The following ARHGAP19 variants were observed in gnomAD, a reference collection of about 807,000 sequenced individuals.
ARHGAP19 encodes rho GTPase-activating protein 19.
In ARHGAP19, 48 loss-of-function variants were observed where a neutral mutation model predicts 60.9. That is an observed-to-expected ratio of 0.79 (90% confidence interval 0.62 to 1.00). The LOEUF is 1.00. Among genes scored for constraint, ARHGAP19 ranks in the 50% least tolerant of loss-of-function variants. The probability of loss-of-function intolerance (pLI) is 0.00; values close to 1 mark genes in which losing one functional copy is unlikely to be tolerated. For missense variants in ARHGAP19, 562 were observed against 597.2 expected (o/e 0.94, Z 0.61); for synonymous variants, 209 against 215.5 (o/e 0.97, Z 0.27).
At chr10:97,281,042 G>T (rs1324391783) in intron 1 of ARHGAP19, among the ~76,000 whole-genome samples, 1 of 152,026 alleles carries the variant, frequency 6.6e-6, no homozygotes, top group South Asian at 2.1e-4. Flanking sequence ...TTTTTGTTCT[G>T]GCACATGACT....
intron 1 of ARHGAP19, among the ~76,000 whole-genome samples, chr10:97,272,027 C>T (rs1842964543): frequency 6.6e-6 from 1 of 151,718 alleles, no homozygotes; most frequent in Admixed American, 6.6e-5. Context: ...CTAGATTTCC[C>T]ATTCATTCAT....
At chr10:97,231,982 T>G (rs543828762) in intron 9 of ARHGAP19, among the ~76,000 whole-genome samples, 266 of 148,244 alleles carry the variant, frequency 1.8e-3, no homozygotes, top group African/African-American at 6.2e-3. Context: ...TTCCGTTGTT[T>G]TTTTTTTTTT....
Position 97,225,477 on chromosome 10 carries a change from T to TCA in ARHGAP19, c.*644_*645insTG, listed in dbSNP as rs1850878727. On this transcript the variant is annotated 3_prime_UTR_variant, in exon 12 of 12. Transcript: ENST00000358531. ...CAATACTGCAGGTCAAATACTCTGA[T>TCA]GTCACACCCAAGAAATAATAAAAAA... The TCA allele has an allele frequency of 6.6e-6, 1 of 152,228 alleles. No homozygotes were observed. Among genetic ancestry groups the TCA allele is most frequent in the African/African-American group, 2.4e-5 (1 of 41,446 alleles). The allele number at this position is 152,228 out of a possible 1,614,324, so 9.4% of individuals were successfully genotyped here.
chr10:97,267,686 C>T (rs1011196648), intron 1 of ARHGAP19, among the ~76,000 whole-genome samples: 5 of 152,268 alleles, frequency 3.3e-5, no homozygotes, highest in Non-Finnish European at 5.9e-5. Context: ...CCCGCAGGCC[C>T]AAAACCACAT....
chr10:97,259,417 G>A lies in ARHGAP19; in HGVS notation c.825C>T (p.Val275=), dbSNP rs1842797628. 1 of 1,614,028 alleles carries A rather than the reference G, an allele frequency of 6.2e-7. No individual in the cohort carries two copies. Among genetic ancestry groups the A allele is most frequent in the Admixed American group, 1.7e-5 (1 of 59,988 alleles). Reference sequence around the variant, plus strand: ...CAACACTCACATTTTTTGGCCACAGGACATGGGGTGCAAACATAAGGGCAA... The same window carrying A: ...CAACACTCACATTTTTTGGCCACAGAACATGGGGTGCAAACATAAGGGCAA... The part of the protein sequence containing the change: ...YNLALMFAPH[V]LWPKNVTAND... Residue 275 remains valine, a synonymous_variant, in exon 5 of 12, where the codon GTC becomes GTT. Transcript: ENST00000358531.
intron 1 of ARHGAP19, among the ~76,000 whole-genome samples, chr10:97,273,701 T>G (rs914482677): frequency 4.0e-5 from 6 of 148,298 alleles, no homozygotes; most frequent in African/African-American, 1.5e-4. Context: ...GTTGAGCAGG[T>G]TGGTCTCGAA....
At chr10:97,256,177 G>A (rs1842750066) in intron 6 of ARHGAP19, 141 bp downstream of exon 6, 1 of 720,436 alleles carries the variant, frequency 1.4e-6, no homozygotes, top group Admixed American at 2.1e-5. Context: ...GTTACCCCCT[G>A]GGTTTTGCCA....
chr10:97,245,451 A>G (rs1842549688), intron 7 of ARHGAP19, among the ~76,000 whole-genome samples: 1 of 151,934 alleles, frequency 6.6e-6, no homozygotes, highest in African/African-American at 2.4e-5. Flanking sequence ...GTGAAACCCC[A>G]TCTCTACCAA....
In ARHGAP19 at chr10:97,229,822, G is replaced by A. The variant is rs1340034708; in HGVS notation, c.1337C>T (p.Thr446Ile). ...MMSEKKKKNP[T>I]PESVAIGELK... Reference sequence around the variant, plus strand: ...TTCACCAATGGCCACAGATTCTGGAGTAGGGTTCTTCTTTTTCTTTTCTGA... The same window carrying A: ...TTCACCAATGGCCACAGATTCTGGAATAGGGTTCTTCTTTTTCTTTTCTGA... Residue 446 changes from threonine to isoleucine, a missense_variant, in exon 10 of 12, where the codon ACT (threonine) becomes ATT (isoleucine). Thr to Ile is a moderately conservative substitution (Grantham distance 89). Transcript: ENST00000358531. 2 of 1,613,220 alleles carry A rather than the reference G, an allele frequency of 1.2e-6. No individual in the cohort carries two copies. The highest frequency in any genetic ancestry group is 1.1e-5 in the South Asian group (1 of 90,984).
chr10:97,224,510 A>G lies in ARHGAP19; in HGVS notation c.*1612T>C, dbSNP rs570323060. The G allele has an allele frequency of 2.0e-5, 3 of 152,346 alleles. No individual in the cohort carries two copies. Among genetic ancestry groups the G allele is most frequent in the South Asian group, 4.1e-4 (2 of 4,830 alleles). 9.4% of individuals were successfully genotyped at this position (152,346 alleles called of 1,614,324 possible). A position where few individuals can be genotyped will look rare whatever the true frequency, so the allele number is the denominator to read the frequency against. ...AAGACCAAATTTTACATTTTTCTCCACTATTGCTGTTACAGCAGCAAAAGC... is the reference window on the plus strand; with the variant it reads ...AAGACCAAATTTTACATTTTTCTCCGCTATTGCTGTTACAGCAGCAAAAGC... On this transcript the variant is annotated 3_prime_UTR_variant, in exon 12 of 12. Coordinates refer to ENST00000358531, the MANE Select transcript of ARHGAP19 (RefSeq NM_032900.6).
chr10:97,281,239 A>AT, intron 1 of ARHGAP19, among the ~76,000 whole-genome samples: 1 of 126,526 alleles, frequency 7.9e-6, no homozygotes, highest in East Asian at 2.5e-4. Flanking sequence ...AAAAAAAAAA[A>AT]ATTGTTTTTA....
intron 6 of ARHGAP19, among the ~76,000 whole-genome samples, chr10:97,248,339 A>G (rs1842592872): frequency 6.6e-6 from 1 of 152,062 alleles, no homozygotes; most frequent in African/African-American, 2.4e-5. Context: ...GACTGGTCCC[A>G]GGAGGCAGAG....
Position 97,256,415 on chromosome 10 carries a change from G to T in ARHGAP19, c.841-11C>A. On this transcript the variant is annotated splice_polypyrimidine_tract_variant and intron_variant, in intron 5 of 11. Transcript: ENST00000358531. ...GTCATTTGCAGTGACCTATTCAGAG[G>T]AAAAGAAACCAAACAATGGACATTA... 1 of 1,593,750 alleles carries T rather than the reference G, an allele frequency of 6.3e-7. No individual in the cohort carries two copies. Among genetic ancestry groups the T allele is most frequent in the Non-Finnish European group, 8.6e-7 (1 of 1,161,842 alleles).
chr10:97,234,130 G>C (rs924178509), intron 9 of ARHGAP19, among the ~76,000 whole-genome samples: 1 of 152,018 alleles, frequency 6.6e-6, no homozygotes, highest in South Asian at 2.1e-4. Flanking sequence ...AGCTGGGCAT[G>C]GTGGCAGGCA....
In ARHGAP19 at chr10:97,266,042, T is replaced by C; in HGVS notation, c.140A>G (p.Glu47Gly). 1 of 1,614,110 alleles carries C rather than the reference T, an allele frequency of 6.2e-7. No homozygotes were observed. Among genetic ancestry groups the C allele is most frequent in the Non-Finnish European group, 8.5e-7 (1 of 1,180,034 alleles). ...PIIFNPDFFV[E>G]KLRHEKPEIF... ...CTCAGGTTTCTCATGTCGGAGTTTC[T>C]CCACAAAAAAGTCAGGATTAAAGAT... Residue 47 changes from glutamate (E) to glycine (G), a missense_variant, in exon 2 of 12, where the codon GAG (glutamate) becomes GGG (glycine). Glu to Gly is a moderately conservative substitution (Grantham distance 98). Transcript: ENST00000358531.
chr10:97,266,383 C>T lies in ARHGAP19; in HGVS notation c.57-258G>A, dbSNP rs147640947. Among the ~76,000 whole-genome samples the T allele has an allele frequency of 8.9e-4, 135 of 152,232 alleles. 1 individual carries two copies. The highest frequency in any genetic ancestry group is 1.4e-3 in the Non-Finnish European group (95 of 68,002). On this transcript the variant is annotated intron_variant, in intron 1 of 11. Coordinates refer to ENST00000358531, the MANE Select transcript of ARHGAP19 (RefSeq NM_032900.6). ...CCACAAATAGGTTTTACTTTAAAAT[C>T]CTTCAATTCTGGATGCCTCTGACCC...
Position 97,225,864 on chromosome 10 carries a change from C to T in ARHGAP19, c.*258G>A. Reference sequence around the variant, plus strand: ...AGCCCACCTTAGTGTGCTGTATAAGCTGGTTGGATAGTTAGTGGTTTCCCC... The same window carrying T: ...AGCCCACCTTAGTGTGCTGTATAAGTTGGTTGGATAGTTAGTGGTTTCCCC... On this transcript the variant is annotated 3_prime_UTR_variant, in exon 12 of 12. Transcript: ENST00000358531. 1 of 506,570 alleles carries T rather than the reference C, an allele frequency of 2.0e-6. No individual in the cohort carries two copies. Among genetic ancestry groups the T allele is most frequent in the South Asian group, 2.9e-5 (1 of 34,970 alleles). 31.4% of individuals were successfully genotyped at this position (506,570 alleles called of 1,614,324 possible).
intron 9 of ARHGAP19, among the ~76,000 whole-genome samples, chr10:97,234,037 C>A (rs867434050): frequency 1.3e-5 from 2 of 151,774 alleles, no homozygotes; most frequent in South Asian, 2.1e-4. Context: ...GAGGCTGAGG[C>A]GGGTGAATCA....
At chr10:97,270,630 G>C in intron 1 of ARHGAP19, 3 of 1,548,760 alleles carry the variant, frequency 1.9e-6, no homozygotes, top group Admixed American at 3.9e-5. Flanking sequence ...TTTCTGATGA[G>C]GCATTGGTAA....
Sources: gnomAD v4.1 joint callset for allele counts (sites outside exome capture counted in the v4.1 genomes callset) on GRCh38, gnomAD v4.1.1 for gene constraint, MANE v1.5 for transcripts, NCBI Gene and HGNC (gene_info 2026-07-23, HGNC 2026-07-21) for gene names.